The following SLC35B4 variants were observed in gnomAD, a reference collection of about 807,000 sequenced individuals.
The protein encoded by SLC35B4 is solute carrier family 35 member B4, also known as nucleotide sugar transporter SLC35B4.
A neutral mutation model predicts 39.5 loss-of-function variants in SLC35B4; 28 were observed. That is an observed-to-expected ratio of 0.71 (90% CI 0.53 to 0.97). The LOEUF is 0.97. SLC35B4 is among the 50% of genes least tolerant of loss of function. SLC35B4 has a pLI of 0.00. For synonymous variants in SLC35B4, 145 were observed against 150.4 expected, an observed-to-expected ratio of 0.96 and a Z score of 0.26; for missense variants, 334 against 414.3, an observed-to-expected ratio of 0.81 and a Z score of 1.68.
At chr7:134,308,220 C>A (rs995473857) in intron 2 of SLC35B4, among the ~76,000 whole-genome samples, 4 of 151,918 alleles carry the variant, frequency 2.6e-5, no homozygotes, top group Non-Finnish European at 4.4e-5. Context: ...CAGAGTGGGG[C>A]GACATGATAA....
chr7:134,302,487 G>A (rs1388449358), intron 4 of SLC35B4, among the ~76,000 whole-genome samples: 1 of 152,150 alleles, frequency 6.6e-6, no homozygotes, highest in Admixed American at 6.6e-5. Flanking sequence ...GACCAAATCT[G>A]TGTCCTAAGA....
chr7:134,296,586 T>C (rs577870801), intron 8 of SLC35B4, 120 bp from the exon 9 acceptor site: 166 of 675,358 alleles, frequency 2.5e-4, no homozygotes, highest in South Asian at 2.0e-3. Flanking sequence ...TCCTTGCAAA[T>C]AGAATTGGAT....
upstream of SLC35B4, chr7:134,316,987 C>T (rs1181922971): frequency 7.3e-6 from 4 of 550,774 alleles, no homozygotes; most frequent in African/African-American, 5.9e-5. Context: ...GTCCGAGCCC[C>T]GGCCAGACTA....
rs1051008020 is a variant in SLC35B4, at chr7:134,300,362, C to T, written c.488-101G>A. On this transcript the variant is annotated intron_variant, in intron 6 of 9. Transcript: ENST00000378509. Reference sequence around the variant, plus strand: ...TTTAAAGTCCTGCAAATATTATGAACTAATTGTAGAACATGTACAAAACTG... The same window carrying T: ...TTTAAAGTCCTGCAAATATTATGAATTAATTGTAGAACATGTACAAAACTG... 41 of 772,730 alleles carry T rather than the reference C, an allele frequency of 5.3e-5. No homozygotes were observed. The African/African-American group carries it at 6.5e-4, about 12-fold the overall frequency. 47.9% of individuals were successfully genotyped at this position (772,730 alleles called of 1,614,324 possible).
At chr7:134,301,480 G>C (rs1053569376) in intron 6 of SLC35B4, among the ~76,000 whole-genome samples, 36 of 152,188 alleles carry the variant, frequency 2.4e-4, no homozygotes, top group African/African-American at 8.7e-4. Flanking sequence ...GACATTCAAA[G>C]GATGTGATGT....
rs373382579 is a variant in SLC35B4, at chr7:134,307,921, A to G, written c.192-1147T>C. Among the ~76,000 whole-genome samples, 48 of 152,342 alleles carry G rather than the reference A, an allele frequency of 3.2e-4. No individual in the cohort carries two copies. In the East Asian group the frequency reaches 4.8e-3, roughly 15 times the overall value. ...AATAATATACTATCAGCGACTTTACAAAGTTTCTTGCCAAATTTTCTTAGT... is the reference window on the plus strand; with the variant it reads ...AATAATATACTATCAGCGACTTTACGAAGTTTCTTGCCAAATTTTCTTAGT... On this transcript the variant is annotated intron_variant, in intron 2 of 9. Transcript: ENST00000378509.
chr7:134,319,200 C>G (rs1314160275), upstream of SLC35B4, among the ~76,000 whole-genome samples: 1 of 152,170 alleles, frequency 6.6e-6, no homozygotes, highest in Non-Finnish European at 1.5e-5. Context: ...AATCTACATT[C>G]GTAGTCTCTA....
intron 6 of SLC35B4, among the ~76,000 whole-genome samples, chr7:134,300,929 C>CA (rs36096818): frequency 0.5 from 76,596 of 151,892 alleles, 19,851 homozygotes; most frequent in African/African-American, 0.6. Context: ...GCATGGGTTT[C>CA]ATTTGCATTT....
intron 9 of SLC35B4, among the ~76,000 whole-genome samples, chr7:134,295,358 C>T (rs1168480253): frequency 2.0e-5 from 3 of 152,022 alleles, no homozygotes; most frequent in East Asian, 1.9e-4. Flanking sequence ...AAGATAATGA[C>T]AGAGGGTGAC....
intron 2 of SLC35B4, 117 bp from the exon 3 acceptor site, chr7:134,306,891 G>T: frequency 1.4e-6 from 1 of 713,354 alleles, no homozygotes. Context: ...TGCGTTGCAA[G>T]ATTGCATCAC....
Position 134,316,762 on chromosome 7 carries a change from G to C in SLC35B4, c.-11C>G, listed in dbSNP as rs1354992454. ...CAAGGCCGGGCGCATGGCCGGTGCAGGGTTGGGGAAGCAAGCGCACAGAGT... is the reference window on the plus strand; with the variant it reads ...CAAGGCCGGGCGCATGGCCGGTGCACGGTTGGGGAAGCAAGCGCACAGAGT... On this transcript the variant is annotated 5_prime_UTR_variant, in exon 1 of 10. Coordinates refer to ENST00000378509, the MANE Select transcript of SLC35B4 (RefSeq NM_032826.5). 4 of 1,546,576 alleles carry C rather than the reference G, an allele frequency of 2.6e-6. No homozygotes were observed. The African/African-American group carries it at 5.5e-5, about 21-fold the overall frequency.
chr7:134,302,627 T>C (rs1470210775), intron 4 of SLC35B4, among the ~76,000 whole-genome samples: 1 of 152,148 alleles, frequency 6.6e-6, no homozygotes, highest in Non-Finnish European at 1.5e-5. Flanking sequence ...TTAACATTGT[T>C]TTAAAATGTT....
chr7:134,318,431 C>T (rs1006008757), upstream of SLC35B4, among the ~76,000 whole-genome samples: 2 of 150,340 alleles, frequency 1.3e-5, no homozygotes, highest in Admixed American at 6.7e-5. Flanking sequence ...CATATATACA[C>T]GTATATATAC....
Position 134,291,434 on chromosome 7 carries a change from G to A in SLC35B4, c.*3399C>T, listed in dbSNP as rs1346196195. 6.6e-6 allele frequency: 1 copy of A among 152,212 alleles called. No individual in the cohort carries two copies. Among genetic ancestry groups the A allele is most frequent in the Non-Finnish European group, 1.5e-5 (1 of 68,026 alleles). 9.4% of individuals were successfully genotyped at this position (152,212 alleles called of 1,614,324 possible). On this transcript the variant is annotated 3_prime_UTR_variant, in exon 10 of 10. Transcript: ENST00000378509. The stretch of plus-strand genomic sequence containing the variant: ...TGATAAGTCTTTCTTAGCAGAAAAC[G>A]CTGCAAGTGAAGAAACTGGAGTGAA...
intron 7 of SLC35B4, 112 bp downstream of exon 7, chr7:134,300,040 C>A: frequency 1.3e-6 from 1 of 755,342 alleles, no homozygotes; most frequent in South Asian, 2.1e-5. Context: ...GGTCTCAAAG[C>A]CATCTACCAA....
rs149153002 is a variant in SLC35B4 at position 134,291,327 on chromosome 7, G to A, written c.*3506C>T. The A allele has an allele frequency of 2.6e-5, 4 of 152,148 alleles. No individual in the cohort carries two copies. The highest frequency in any genetic ancestry group is 1.9e-4 in the East Asian group (1 of 5,184). The allele number at this position is 152,148 out of a possible 1,614,324, so 9.4% of individuals were successfully genotyped here. A position where few individuals can be genotyped will look rare whatever the true frequency, so the allele number is the denominator to read the frequency against. On this transcript the variant is annotated 3_prime_UTR_variant, in exon 10 of 10. Coordinates refer to ENST00000378509, the MANE Select transcript of SLC35B4 (RefSeq NM_032826.5). ...TGTAAGAATGTATAACAAAATACAC[G>A]CTGTGCAGATATAAATACTCTGTAA...
chr7:134,315,077 G>T (rs906391858), intron 1 of SLC35B4, among the ~76,000 whole-genome samples: 1 of 152,136 alleles, frequency 6.6e-6, no homozygotes, highest in Non-Finnish European at 1.5e-5. Flanking sequence ...TTTAATCAAT[G>T]ATATCAAATA....
At chr7:134,317,229 C>T (rs1381274212), upstream of SLC35B4, among the ~76,000 whole-genome samples, 1 of 152,198 alleles carries the variant, frequency 6.6e-6, no homozygotes, top group Non-Finnish European at 1.5e-5. Flanking sequence ...CTGGCAGCGG[C>T]GGCACTAGAA....
upstream of SLC35B4, among the ~76,000 whole-genome samples, chr7:134,318,579 G>A (rs1441510358): frequency 6.6e-6 from 1 of 152,094 alleles, no homozygotes; most frequent in Non-Finnish European, 1.5e-5. Flanking sequence ...CTGAAGCAAT[G>A]ATAATATCTC....
Sources: gnomAD v4.1 joint callset for allele counts (sites outside exome capture counted in the v4.1 genomes callset) on GRCh38, gnomAD v4.1.1 for gene constraint, MANE v1.5 for transcripts, NCBI Gene and HGNC (gene_info 2026-07-23, HGNC 2026-07-21) for gene names.